The following ADRM1 variants were observed in gnomAD, a reference collection of about 807,000 sequenced individuals.
ADRM1 encodes ADRM1 26S proteasome ubiquitin receptor.
A neutral mutation model predicts 40.1 loss-of-function variants in ADRM1; 2 were observed. The observed-to-expected ratio is 0.05, with a 90% CI of 0.02 to 0.16. The LOEUF (loss-of-function observed/expected upper bound fraction) is 0.16, where lower values mean the gene tolerates loss of function less well. Ranked by LOEUF, ADRM1 falls within the 10% of genes least tolerant of loss-of-function variation. The pLI is 1.00. For missense variants in ADRM1, 467 were observed against 552.5 expected, an observed-to-expected ratio of 0.85 and a Z score of 1.55; for synonymous variants, 287 against 240.4, an observed-to-expected ratio of 1.19 and a Z score of -1.79.
rs764057918 is a variant in ADRM1 at position 62,303,790 on chromosome 20, C to T, written c.213+9C>T. On this transcript the variant is annotated intron_variant, in intron 2 of 9. Coordinates refer to ENST00000253003, the MANE Select transcript of ADRM1 (RefSeq NM_007002.4). ...CCGGGAACGTGGAAGACGTGAGTGT[C>T]CCTGAGCCGCAGCAGCAGGACAGGC... 28 of 1,608,078 alleles carry T rather than the reference C, an allele frequency of 1.7e-5. No homozygotes were observed. The highest frequency in any genetic ancestry group is 2.2e-5 in the Non-Finnish European group (26 of 1,178,950).
chr20:62,306,528 GGTGCC>G, intron 4 of ADRM1, 115 bp from the exon 5 acceptor site: 1 of 1,300,734 alleles, frequency 7.7e-7, no homozygotes. Flanking sequence ...CACTTCAAGT[GGTGCC>G]CCCTGTAGGG....
chr20:62,308,800 G>A lies in ADRM1; in HGVS notation c.*39G>A, dbSNP rs758976641. On this transcript the variant is annotated 3_prime_UTR_variant, in exon 10 of 10. Transcript: ENST00000253003. ...CTCCGAGGAACTGGGCGCTTGCAGT[G>A]CGTTGCACACCCTCACCTCCCACCC... The A allele has an allele frequency of 4.4e-6, 7 of 1,608,192 alleles. No homozygotes were observed. The highest frequency in any genetic ancestry group is 5.9e-6 in the Non-Finnish European group (7 of 1,177,802).
At chr20:62,304,983 C>T (rs1984684841) in intron 3 of ADRM1, among the ~76,000 whole-genome samples, 1 of 152,256 alleles carries the variant, frequency 6.6e-6, no homozygotes, top group East Asian at 1.9e-4. Flanking sequence ...AGTCCTGCCC[C>T]TTCCCTGGCA....
In ADRM1 at chr20:62,308,723, G is replaced by A; in HGVS notation, c.1186G>A (p.Asp396Asn). 1 of 1,612,952 alleles carries A rather than the reference G, an allele frequency of 6.2e-7. No individual in the cohort carries two copies. Among genetic ancestry groups the A allele is most frequent in the South Asian group, 1.1e-5 (1 of 91,072 alleles). ...CGAGCAGAAAGAGGGCGACACGAAG[G>A]ACAAGAAGGACGAAGAGGAGGACAT... ...KPEQKEGDTK[D>N]KKDEEEDMSL... Residue 396 changes from aspartate to asparagine, a missense_variant, in exon 10 of 10, where the codon GAC (aspartate) becomes AAC (asparagine). Around this residue, in one of 3 missense-constraint regions of ADRM1, gnomAD observed 418 missense variants for 474.6 expected, o/e 0.88. Transcript: ENST00000253003.
rs960392514 is a variant in ADRM1 at position 62,308,241 on chromosome 20, A to C, written c.1014+63A>C. 1.7e-5 allele frequency: 27 copies of C among 1,549,976 alleles called. 1 individual carries two copies. The Middle Eastern group carries it at 1.4e-3, about 82-fold the overall frequency. On this transcript the variant is annotated intron_variant, in intron 8 of 9. Transcript: ENST00000253003. ...CAGGGAGTGGGCAGGGGGGAGGAGG[A>C]GGCCCTGCCCCACCTTCACCATGGC... is the stretch of plus-strand genomic sequence containing the variant.
chr20:62,306,101 C>T, intron 3 of ADRM1, 96 bp from the exon 4 acceptor site: 1 of 1,519,014 alleles, frequency 6.6e-7, no homozygotes, highest in Non-Finnish European at 8.9e-7. Flanking sequence ...CTCTGCGTCT[C>T]AGGTCCCTCA....
chr20:62,304,163 G>C, intron 2 of ADRM1: 1 of 487,130 alleles, frequency 2.1e-6, no homozygotes, highest in Non-Finnish European at 3.7e-6. Context: ...TTACATTTGA[G>C]AGCAGTTCAG....
At position 62,303,610 on chromosome 20, in the gene ADRM1, C is replaced by T. The variant is rs984961806; in HGVS notation, c.42C>T (p.Gly14=). The T allele has an allele frequency of 8.7e-6, 14 of 1,604,024 alleles. No individual in the cohort carries two copies. Among genetic ancestry groups the T allele is most frequent in the Middle Eastern group, 1.7e-4 (1 of 5,998 alleles). ...CGCTCTTTCCAAGCCTGGTGCCAGGCTCTCGGGGCGCCTCCAACAAGTACT... is the reference window on the plus strand; with the variant it reads ...CGCTCTTTCCAAGCCTGGTGCCAGGTTCTCGGGGCGCCTCCAACAAGTACT... ...SGALFPSLVP[G]SRGASNKYLV... The change falls in exon 2 of 10, where the codon GGC becomes GGT. Residue 14 remains glycine, a synonymous_variant. Coordinates refer to ENST00000253003, the MANE Select transcript of ADRM1 (RefSeq NM_007002.4).
chr20:62,303,425 G>A, intron 1 of ADRM1, 143 bp from the exon 2 acceptor site: 1 of 839,712 alleles, frequency 1.2e-6, no homozygotes, highest in Non-Finnish European at 1.8e-6. Context: ...GGCAAACGCG[G>A]AAAGGCAGCC....
chr20:62,303,976 C>T (rs977210508), intron 2 of ADRM1, among the ~76,000 whole-genome samples, 195 bp downstream of exon 2: 5 of 152,066 alleles, frequency 3.3e-5, no homozygotes, highest in African/African-American at 1.2e-4. Context: ...TTGAACTGTC[C>T]GTGTGAGGTG....
At chr20:62,304,307 C>T (rs1029636948) in intron 2 of ADRM1, 154 bp from the exon 3 acceptor site, 1 of 625,792 alleles carries the variant, frequency 1.6e-6, no homozygotes, top group Middle Eastern at 4.3e-4. Flanking sequence ...CCTGGCTTCT[C>T]TGCCTTGTGG....
intron 3 of ADRM1, 37 bp downstream of exon 3, chr20:62,304,614 C>T (rs746384685): frequency 6.3e-6 from 10 of 1,589,040 alleles, no homozygotes; most frequent in Non-Finnish European, 7.8e-6. Flanking sequence ...CTTTTTGTTG[C>T]CCTGCGATTC....
chr20:62,307,797 C>A lies in ADRM1; in HGVS notation c.825C>A (p.Asn275Lys), dbSNP rs770193637. The A allele has an allele frequency of 6.2e-7, 1 of 1,609,976 alleles. No homozygotes were observed. Among genetic ancestry groups the A allele is most frequent in the East Asian group, 2.2e-5 (1 of 44,798 alleles). The change falls in exon 7 of 10, where the codon AAC (asparagine) becomes AAA (lysine). Residue 275 changes from asparagine to lysine, a missense_variant. By Grantham distance (94) the Asn-to-Lys change is moderately conservative. Around this residue, in one of 3 missense-constraint regions of ADRM1, gnomAD observed 418 missense variants for 474.6 expected, o/e 0.88. Coordinates refer to ENST00000253003, the MANE Select transcript of ADRM1 (RefSeq NM_007002.4). ...TCCAGAGCATCCTGGCCACGATGAACGTACCAGCCGGGCCAGCAGGCGGCC... is the reference window on the plus strand; with the variant it reads ...TCCAGAGCATCCTGGCCACGATGAAAGTACCAGCCGGGCCAGCAGGCGGCC... ...SDLQSILATM[N>K]VPAGPAGGQQ...
At chr20:62,305,742 G>A (rs1984834147) in intron 3 of ADRM1, 1 of 189,842 alleles carries the variant, frequency 5.3e-6, no homozygotes, top group South Asian at 1.1e-4. Context: ...GTGCACATGT[G>A]TGTGCACACG....
At chr20:62,305,630 G>C (rs1240481555) in intron 3 of ADRM1, 1 of 152,390 alleles carries the variant, frequency 6.6e-6, no homozygotes, top group South Asian at 2.1e-4. Context: ...GGGACTCCCA[G>C]TGTCCCTGGC....
At chr20:62,303,884 C>G (rs1984493951) in intron 2 of ADRM1, 103 bp downstream of exon 2, 2 of 1,169,144 alleles carry the variant, frequency 1.7e-6, no homozygotes, top group Admixed American at 2.2e-5. Flanking sequence ...CTGGGGACCG[C>G]TCGTGGGGCC....
rs921165222 is a variant in ADRM1, at chr20:62,308,862, A to G, written c.*101A>G. Reference sequence around the variant, plus strand: ...ATAAAGTCTTTTCTTTTACCTGCCAATGCTTAGTTTCTTTGCCCAAAGGGA... The same window carrying G: ...ATAAAGTCTTTTCTTTTACCTGCCAGTGCTTAGTTTCTTTGCCCAAAGGGA... On this transcript the variant is annotated 3_prime_UTR_variant, in exon 10 of 10. Transcript: ENST00000253003. 4.6e-6 allele frequency: 7 copies of G among 1,506,622 alleles called. No homozygotes were observed. The highest frequency in any genetic ancestry group is 4.5e-5 in the Admixed American group (2 of 44,590). 93.3% of individuals were successfully genotyped at this position (1,506,622 alleles called of 1,614,324 possible).
intron 3 of ADRM1, 85 bp from the exon 4 acceptor site, chr20:62,306,112 C>T: frequency 6.5e-7 from 1 of 1,542,500 alleles, no homozygotes; most frequent in Non-Finnish European, 8.8e-7. Flanking sequence ...AGGTCCCTCA[C>T]CTGGAAGCCA....
chr20:62,303,476 C>T (rs2145995979), intron 1 of ADRM1, 92 bp from the exon 2 acceptor site: 30 of 1,312,674 alleles, frequency 2.3e-5, no homozygotes, highest in Admixed American at 4.5e-5. Flanking sequence ...TGGGCGCAGG[C>T]CCCCTGCTCG....
Sources: allele counts gnomAD v4.1 joint callset (sites outside exome capture counted in the v4.1 genomes callset), GRCh38; gene constraint gnomAD v4.1.1; regional missense constraint gnomAD v4.1.1; transcripts MANE v1.5; gene names NCBI Gene and HGNC (gene_info 2026-07-23, HGNC 2026-07-21).